Variants in EFR3B observed in about 807,000 individuals in gnomAD.
The protein encoded by EFR3B is EFR3 homolog B, also known as protein EFR3 homolog B.
A neutral mutation model predicts 104.7 loss-of-function variants in EFR3B; 64 were observed. That is an observed-to-expected ratio of 0.61 (90% CI 0.50 to 0.75). The LOEUF (loss-of-function observed/expected upper bound fraction) is 0.75. EFR3B is among the 30% of genes least tolerant of loss of function. The pLI, the probability that EFR3B is intolerant of heterozygous loss-of-function variation, is 0.00. For missense variants in EFR3B, 750 were observed against 1,078.5 expected, an observed-to-expected ratio of 0.70 and a Z score of 4.27; for synonymous variants, 385 against 417.9, an observed-to-expected ratio of 0.92 and a Z score of 0.96.
intron 4 of EFR3B, among the ~76,000 whole-genome samples, chr2:25,110,301 C>T (rs1043692467): frequency 6.6e-6 from 1 of 152,178 alleles, no homozygotes; most frequent in African/African-American, 2.4e-5. Flanking sequence ...CAGAAAACCA[C>T]ACAGCCTGTG....
At chr2:25,148,093 A>T (rs565392851) in intron 19 of EFR3B, among the ~76,000 whole-genome samples, 4 of 149,466 alleles carry the variant, frequency 2.7e-5, no homozygotes, top group African/African-American at 9.8e-5. Flanking sequence ...TTGTCTAGTG[A>T]GTAAGTTCTG....
chr2:25,088,391 C>T (rs546387239), intron 1 of EFR3B, among the ~76,000 whole-genome samples: 60 of 152,174 alleles, frequency 3.9e-4, no homozygotes, highest in African/African-American at 1.3e-3. Flanking sequence ...CGTGGGAAAT[C>T]GGATGGAGTC....
Position 25,130,957 on chromosome 2 carries a change from C to G in EFR3B, c.849+327C>G, listed in dbSNP as rs144775800. Among the ~76,000 whole-genome samples the G allele has an allele frequency of 3.4e-3, 521 of 152,384 alleles. 2 individuals are homozygous for G. The highest frequency in any genetic ancestry group is 0.012 in the African/African-American group (490 of 41,598). On this transcript the variant is annotated intron_variant, in intron 8 of 22. Transcript: ENST00000403714. The surrounding 1 kb of genome is among the most constrained non-coding windows in gnomAD (Gnocchi z 4.6). ...TGTTTACTAAACACTGACTTTCCAT[C>G]CCATCCTTATCTCAGTGTAAACCAA...
intron 1 of EFR3B, among the ~76,000 whole-genome samples, chr2:25,086,887 C>G (rs487617): frequency 0.37 from 55,837 of 152,120 alleles, 12,289 homozygotes; most frequent in Admixed American, 0.53. Flanking sequence ...ACCACCCCGT[C>G]TGGCCCCATT....
intron 16 of EFR3B, 46 bp from the exon 17 acceptor site, chr2:25,141,320 C>A: frequency 6.5e-7 from 1 of 1,543,732 alleles, no homozygotes; most frequent in South Asian, 1.2e-5. Context: ...TGTGAGCTCC[C>A]TCTCCCTGCT....
intron 1 of EFR3B, among the ~76,000 whole-genome samples, chr2:25,060,863 G>A (rs1668172222): frequency 6.6e-6 from 1 of 151,782 alleles, no homozygotes; most frequent in African/African-American, 2.4e-5. Flanking sequence ...AGAGCTTGCA[G>A]TGAGCCGAGA....
chr2:25,072,805 A>G (rs1573181377), intron 1 of EFR3B, among the ~76,000 whole-genome samples: 1 of 152,284 alleles, frequency 6.6e-6, no homozygotes, highest in Admixed American at 6.5e-5. Context: ...TGGGGCCCAC[A>G]GGACTGCTGC....
In EFR3B at chr2:25,154,421, T is replaced by A. The variant is rs1018045037; in HGVS notation, c.*81T>A. ...CGCCCACCCCGACCACATGGAGATCTGGCTGTGATCTCTGAGAAAACATCA... is the reference window on the plus strand; with the variant it reads ...CGCCCACCCCGACCACATGGAGATCAGGCTGTGATCTCTGAGAAAACATCA... On this transcript the variant is annotated 3_prime_UTR_variant, in exon 23 of 23. Transcript: ENST00000403714. This position sits in a 1 kb window ranked among gnomAD's most constrained non-coding sequence, Gnocchi z 4.1. 2.0e-5 allele frequency: 25 copies of A among 1,275,010 alleles called. No homozygotes were observed. In the East Asian group the frequency reaches 5.9e-4, roughly 30 times the overall value. The allele number at this position is 1,275,010 out of a possible 1,614,324, so 79.0% of individuals were successfully genotyped here.
intron 3 of EFR3B, among the ~76,000 whole-genome samples, chr2:25,095,809 T>A (rs550831162): frequency 6.6e-6 from 1 of 152,338 alleles, no homozygotes; most frequent in East Asian, 1.9e-4. Flanking sequence ...TCTACGTTTT[T>A]CCTAAATATT....
chr2:25,118,747 AAAAAAAAAAAAG>A, intron 4 of EFR3B, among the ~76,000 whole-genome samples: 1 of 147,306 alleles, frequency 6.8e-6, no homozygotes, highest in Non-Finnish European at 1.5e-5. Flanking sequence ...AAAAAAAAAA[AAAAAAAAAAAAG>A]GCAGGGCGTG....
intron 3 of EFR3B, among the ~76,000 whole-genome samples, chr2:25,097,608 C>T (rs569059006): frequency 1.2e-3 from 178 of 152,180 alleles, no homozygotes; most frequent in African/African-American, 3.8e-3. Context: ...AGCATGGGGA[C>T]GGCGGTGGGC....
chr2:25,061,517 G>A (rs1179100557), intron 1 of EFR3B, among the ~76,000 whole-genome samples: 5 of 150,768 alleles, frequency 3.3e-5, no homozygotes, highest in South Asian at 2.1e-4. Context: ...TTTCTGAGAC[G>A]GAGTCTCCCT....
chr2:25,087,452 T>G (rs1668985961), intron 1 of EFR3B, among the ~76,000 whole-genome samples: 1 of 151,970 alleles, frequency 6.6e-6, no homozygotes, highest in Non-Finnish European at 1.5e-5. Context: ...TGACTTTTCA[T>G]TCTTTTGACG....
At chr2:25,090,801 G>A (rs1038005579) in intron 1 of EFR3B, among the ~76,000 whole-genome samples, 2 of 152,192 alleles carry the variant, frequency 1.3e-5, no homozygotes, top group Non-Finnish European at 2.9e-5. Flanking sequence ...GAAGAGCAGG[G>A]AATAAAGAAA....
At chr2:25,050,483 A>G (rs1667837148) in intron 1 of EFR3B, among the ~76,000 whole-genome samples, 1 of 152,202 alleles carries the variant, frequency 6.6e-6, no homozygotes, top group Admixed American at 6.5e-5. Context: ...TGAAACTTAA[A>G]AAAATTTTTT....
intron 10 of EFR3B, 140 bp from the exon 11 acceptor site, chr2:25,132,763 G>A (rs1573227203): frequency 1.2e-5 from 8 of 690,472 alleles, no homozygotes; most frequent in African/African-American, 1.8e-5. Context: ...AATCACACCC[G>A]GGCTATCCTG....
rs1670297729 is a variant in EFR3B, at chr2:25,130,471, C to T, written c.771-81C>T. The T allele has an allele frequency of 3.3e-6, 4 of 1,229,692 alleles. No homozygotes were observed. The Admixed American group carries it at 7.9e-5, about 24-fold the overall frequency. 76.2% of individuals were successfully genotyped at this position (1,229,692 alleles called of 1,614,324 possible). On this transcript the variant is annotated intron_variant, in intron 7 of 22. Transcript: ENST00000403714. The surrounding 1 kb of genome is among the most constrained non-coding windows in gnomAD (Gnocchi z 4.6). Reference sequence around the variant, plus strand: ...TGTGCGAGGGGCTCTGAGAAGGTGTCCCTCTGCCTCCAAGCTAATCTCTTC... The same window carrying T: ...TGTGCGAGGGGCTCTGAGAAGGTGTTCCTCTGCCTCCAAGCTAATCTCTTC...
At chr2:25,128,357 A>G in intron 6 of EFR3B, 25 bp downstream of exon 6, 1 of 1,551,346 alleles carries the variant, frequency 6.4e-7, no homozygotes, top group Non-Finnish European at 8.7e-7. Context: ...ATGGGGCAGG[A>G]CAGTAGATAT....
At chr2:25,104,910 T>C (rs149736383) in intron 4 of EFR3B, among the ~76,000 whole-genome samples, 98 of 152,314 alleles carry the variant, frequency 6.4e-4, no homozygotes, top group African/African-American at 2.3e-3. Flanking sequence ...AGAAGAGCTA[T>C]CAGATATGTC....
Sources: allele counts gnomAD v4.1 joint callset (sites outside exome capture counted in the v4.1 genomes callset), GRCh38; gene constraint gnomAD v4.1.1; non-coding constraint Gnocchi (gnomAD v3.1); transcripts MANE v1.5; gene names NCBI Gene and HGNC (gene_info 2026-07-23, HGNC 2026-07-21).